The following MCF2L variants were observed in gnomAD, a reference collection of about 807,000 sequenced individuals.
MCF2L encodes MCF.2 cell line derived transforming sequence like, also known as guanine nucleotide exchange factor DBS.
MCF2L carries 97 observed loss-of-function variants against 153.4 expected under a neutral mutation model. The observed-to-expected ratio is 0.63, with a 90% confidence interval of 0.54 to 0.75. The LOEUF is 0.75. Ranked by LOEUF, MCF2L falls within the 30% of genes least tolerant of loss-of-function variation. The pLI is 0.00. For missense variants in MCF2L, 1,347 were observed against 1,495.2 expected, an observed-to-expected ratio of 0.90 and a Z score of 1.64; for synonymous variants, 659 against 632.2, an observed-to-expected ratio of 1.04 and a Z score of -0.64.
rs146117618 is a variant in MCF2L at position 113,041,643 on chromosome 13, C to T, written c.279-3628C>T. On this transcript the variant is annotated intron_variant, in intron 3 of 29. Transcript: ENST00000535094. ...GTGCTAGGGGCTCTTTACATCCTCA[C>T]GTCAGAGGCTTTTTTAGTCCAGGCT... Among the ~76,000 whole-genome samples the T allele has an allele frequency of 9.6e-4, 146 of 152,322 alleles. 2 individuals carry two copies. Among genetic ancestry groups the T allele is most frequent in the Admixed American group, 8.2e-3 (126 of 15,308 alleles).
chr13:112,975,654 AG>A (rs1474274767), intron 1 of MCF2L, among the ~76,000 whole-genome samples: 1 of 152,252 alleles, frequency 6.6e-6, no homozygotes, highest in Admixed American at 6.5e-5. Flanking sequence ...GGTCATCCTC[AG>A]GGAGCCGCTG....
chr13:113,004,941 T>A (rs1162974160), intron 1 of MCF2L, among the ~76,000 whole-genome samples: 1 of 152,206 alleles, frequency 6.6e-6, no homozygotes, highest in East Asian at 1.9e-4. Flanking sequence ...GTGTGGGGTA[T>A]GGAGGTTCCT....
At chr13:112,970,385 C>T (rs1355796786) in intron 1 of MCF2L, among the ~76,000 whole-genome samples, 1 of 152,166 alleles carries the variant, frequency 6.6e-6, no homozygotes, top group Non-Finnish European at 1.5e-5. Flanking sequence ...GCATAAGCAC[C>T]ATCGTATGGG....
chr13:113,045,780 A>G lies in MCF2L; in HGVS notation c.369+419A>G. The G allele has an allele frequency of 4.3e-6, 1 of 234,416 alleles. No individual in the cohort carries two copies. The highest frequency in any genetic ancestry group is 8.6e-6 in the Non-Finnish European group (1 of 116,478). 14.5% of individuals were successfully genotyped at this position (234,416 alleles called of 1,614,324 possible). A position where few individuals can be genotyped will look rare whatever the true frequency, so the allele number is the denominator to read the frequency against. ...CGCCTCCCTTCCCCAGTGGGATTGA[A>G]CATGCACTTCCTCTTACACAAAGCA... On this transcript the variant is annotated intron_variant, in intron 4 of 29. Transcript: ENST00000535094. This position sits in a 1 kb window ranked among gnomAD's most constrained non-coding sequence, Gnocchi z 4.2.
intron 21 of MCF2L, among the ~76,000 whole-genome samples, 198 bp from the exon 22 acceptor site, chr13:113,087,037 G>T (rs559030598): frequency 1.3e-5 from 2 of 152,124 alleles, no homozygotes; most frequent in African/African-American, 4.8e-5. Flanking sequence ...CATGTGCCCC[G>T]CCAGTCCATC....
intron 2 of MCF2L, among the ~76,000 whole-genome samples, chr13:113,019,623 C>T (rs1198176703): frequency 2.6e-5 from 4 of 152,186 alleles, no homozygotes; most frequent in Admixed American, 6.5e-5. Flanking sequence ...TCAAGGAATC[C>T]GATGGTTTCA....
chr13:113,000,967 C>T lies in MCF2L; in HGVS notation c.80-13796C>T, dbSNP rs1566713478. Among the ~76,000 whole-genome samples, 5 of 152,330 alleles carry T rather than the reference C, an allele frequency of 3.3e-5. No individual in the cohort carries two copies. In the East Asian group the frequency reaches 9.6e-4, roughly 29 times the overall value. The stretch of plus-strand genomic sequence containing the variant: ...ACTCCAGCACTGGGTGTGATATTCT[C>T]AGGAGATGTGCGTTGGTCCCCTTAG... On this transcript the variant is annotated intron_variant, in intron 1 of 29. Coordinates refer to ENST00000535094, the MANE Select transcript of MCF2L (RefSeq NM_001112732.3).
rs1230161855 is a variant in MCF2L, at chr13:112,979,537, CG to C, written c.79+10080del. ...CTGTCTCTTGTGACCATGCGGCACC[CG>C]CCCGGCTTTTAGCTGTCGCAGCAGA... is the stretch of plus-strand genomic sequence containing the variant. On this transcript the variant is annotated intron_variant, in intron 1 of 29. Coordinates refer to ENST00000535094, the MANE Select transcript of MCF2L (RefSeq NM_001112732.3). The C allele has an allele frequency of 3.3e-6, 5 of 1,509,408 alleles. No individual in the cohort carries two copies. In the Admixed American group the frequency reaches 1.1e-4, roughly 32 times the overall value. 93.5% of individuals were successfully genotyped at this position (1,509,408 alleles called of 1,614,324 possible). A position where few individuals can be genotyped will look rare whatever the true frequency, so the allele number is the denominator to read the frequency against.
Position 112,977,786 on chromosome 13 carries a change from G to A in MCF2L, c.79+8328G>A, listed in dbSNP as rs144307615. Among the ~76,000 whole-genome samples, 697 of 152,308 alleles carry A rather than the reference G, an allele frequency of 4.6e-3. 5 individuals carry two copies. The highest frequency in any genetic ancestry group is 0.016 in the African/African-American group (679 of 41,576). The stretch of plus-strand genomic sequence containing the variant: ...GTGAATACAAAGCCTGTCTGCGTCT[G>A]TCCTTGTGGATGAAACCAACATTTA... On this transcript the variant is annotated intron_variant, in intron 1 of 29. Coordinates refer to ENST00000535094, the MANE Select transcript of MCF2L (RefSeq NM_001112732.3).
In MCF2L at chr13:113,096,424, G is replaced by A. The variant is rs771813966; in HGVS notation, c.3129G>A (p.Ala1043=). 4.4e-6 allele frequency: 7 copies of A among 1,596,488 alleles called. No individual in the cohort carries two copies. The highest frequency in any genetic ancestry group is 3.5e-5 in the Admixed American group (2 of 57,860). ...ACCACGAGAAGGGAGGCCCCGATGC[G>A]CTGCGCGTGAGGAGCGGGGACGTGG... ...VADHEKGGPD[A]LRVRSGDVVE... Residue 1043 remains alanine (A), a synonymous_variant, in exon 28 of 30, where the codon GCG becomes GCA. Transcript: ENST00000535094.
chr13:113,003,642 T>C (rs749132199), intron 1 of MCF2L, among the ~76,000 whole-genome samples: 2 of 152,140 alleles, frequency 1.3e-5, no homozygotes, highest in African/African-American at 2.4e-5. Flanking sequence ...GAGGAGGAAT[T>C]GTCCTTCTGA....
At chr13:112,921,075 G>C (rs1039015425) in intron 2 of MCF2L, among the ~76,000 whole-genome samples, 2 of 152,050 alleles carry the variant, frequency 1.3e-5, no homozygotes, top group Non-Finnish European at 2.9e-5. Context: ...TACTCGGGAG[G>C]CTGAGTCAGG....
chr13:112,968,837 C>A, upstream of MCF2L: 1 of 1,224,702 alleles, frequency 8.2e-7, no homozygotes, highest in Non-Finnish European at 1.1e-6. Flanking sequence ...GGGGGAAGGG[C>A]GGGGGCACTT....
chr13:112,977,428 G>A (rs1040511541), intron 1 of MCF2L, among the ~76,000 whole-genome samples: 10 of 152,142 alleles, frequency 6.6e-5, no homozygotes, highest in African/African-American at 2.4e-4. Flanking sequence ...GAGGACGGCC[G>A]CGTTTTCACG....
At chr13:112,975,234 C>T (rs1005669179) in intron 1 of MCF2L, among the ~76,000 whole-genome samples, 27 of 152,150 alleles carry the variant, frequency 1.8e-4, no homozygotes, top group African/African-American at 6.0e-4. Context: ...GGAATTCTAG[C>T]GAAGTACTGA....
chr13:113,009,907 G>A (rs922126972), intron 1 of MCF2L: 1 of 152,200 alleles, frequency 6.6e-6, no homozygotes, highest in African/African-American at 2.4e-5. Flanking sequence ...TTTGGGAATG[G>A]GCATTTTGCC....
chr13:112,936,158 T>TA (rs1594351910), intron 2 of MCF2L, among the ~76,000 whole-genome samples: 1 of 151,680 alleles, frequency 6.6e-6, no homozygotes, highest in African/African-American at 2.4e-5. Context: ...CATGCACCTG[T>TA]AATTCCAGCT....
At position 113,028,858 on chromosome 13, in the gene MCF2L, C is replaced by T. The variant is rs371177850; in HGVS notation, c.278+4100C>T. Among the ~76,000 whole-genome samples the T allele has an allele frequency of 2.9e-4, 42 of 145,732 alleles. No homozygotes were observed. In the East Asian group the frequency reaches 6.8e-3, roughly 24 times the overall value. On this transcript the variant is annotated intron_variant, in intron 3 of 29. Transcript: ENST00000535094. The surrounding 1 kb of genome is among the most constrained non-coding windows in gnomAD (Gnocchi z 5.4). ...TGGGGTGAGTGTGTGGTGTGTGTGG[C>T]GTGTGCGGGGTGTGTGTGGGGTATG...
chr13:113,010,929 C>T (rs956479647), intron 1 of MCF2L, among the ~76,000 whole-genome samples: 3 of 152,228 alleles, frequency 2.0e-5, no homozygotes, highest in Admixed American at 6.5e-5. Flanking sequence ...ACTATTGTTC[C>T]TCCGTGCGCT....
Sources: allele counts gnomAD v4.1 joint callset (sites outside exome capture counted in the v4.1 genomes callset), GRCh38; gene constraint gnomAD v4.1.1; non-coding constraint Gnocchi (gnomAD v3.1); transcripts MANE v1.5; gene names NCBI Gene and HGNC (gene_info 2026-07-23, HGNC 2026-07-21).